GOLGA8F: variants seen among roughly 807,000 people sequenced by gnomAD.
GOLGA8F encodes golgin A8 family member F.
For synonymous variants in GOLGA8F, 1 was observed against 35.4 expected (o/e 0.03, Z 3.45); for missense variants, 2 against 93.4 (o/e 0.02, Z 4.03).
Position 28,384,322 on chromosome 15 carries a change from T to G in GOLGA8F, c.682-21T>G, listed in dbSNP as rs1213652578. The G allele has an allele frequency of 8.4e-5, 19 of 225,980 alleles. 5 individuals carry two copies. Among genetic ancestry groups the G allele is most frequent in the East Asian group, 5.2e-4 (19 of 36,632 alleles). 14.0% of individuals were successfully genotyped at this position (225,980 alleles called of 1,614,324 possible). A position where few individuals can be genotyped will look rare whatever the true frequency, so the allele number is the denominator to read the frequency against. On this transcript the variant is annotated intron_variant, in intron 9 of 18. Transcript: ENST00000526619. ...GAGGACCAGTGACAGCCCTTCCTAATTTCTGTGCCCATTCTTGCAGTTGAA... is the reference window on the plus strand; with the variant it reads ...GAGGACCAGTGACAGCCCTTCCTAAGTTCTGTGCCCATTCTTGCAGTTGAA...
At chr15:28,379,689 T>TTCTG (rs757117494) in intron 1 of GOLGA8F, 1 of 20,780 alleles carries the variant, frequency 4.8e-5, no homozygotes, top group South Asian at 0.011. Flanking sequence ...GGCTTCTACT[T>TTCTG]TCCAGAGAGA....
Position 28,384,176 on chromosome 15 carries a change from G to A in GOLGA8F, c.621G>A (p.Met207Ile), listed in dbSNP as rs1325410030. ...TCTCCAGCCGCAGTAAAGCACGTAT[G>A]GAGTGGAAGTTAGAGCAGTCCATGC... is the stretch of plus-strand genomic sequence containing the variant. The part of the protein sequence containing the change: ...RQFSSRSKAR[M>I]EWKLEQSMRE... Residue 207 changes from methionine to isoleucine, a missense_variant, in exon 9 of 19, where the codon ATG becomes ATA. Transcript: ENST00000526619. 1 of 223,928 alleles carries A rather than the reference G, an allele frequency of 4.5e-6. No individual in the cohort carries two copies. Among genetic ancestry groups the A allele is most frequent in the East Asian group, 2.7e-5 (1 of 36,620 alleles). The allele number at this position is 223,928 out of a possible 1,614,324, so 13.9% of individuals were successfully genotyped here.
rs568922965 is a variant in GOLGA8F at position 28,384,244 on chromosome 15, G to T, written c.681+8G>T. On this transcript the variant is annotated splice_region_variant and intron_variant, in intron 9 of 18. Coordinates refer to ENST00000526619, the MANE Select transcript of GOLGA8F (RefSeq NM_001350920.2). ...AAAGCGCAGCTGACACAGGTGAGGTGTTCAGAAGGAGGGATGTGGAAGAAA... is the reference window on the plus strand; with the variant it reads ...AAAGCGCAGCTGACACAGGTGAGGTTTTCAGAAGGAGGGATGTGGAAGAAA... 8.4e-6 allele frequency: 2 copies of T among 237,078 alleles called. No individual in the cohort carries two copies. Among genetic ancestry groups the T allele is most frequent in the African/African-American group, 4.8e-5 (2 of 41,700 alleles). The allele number at this position is 237,078 out of a possible 1,614,324, so 14.7% of individuals were successfully genotyped here.
rs1177023287 is a variant in GOLGA8F, at chr15:28,385,267, A to AAAGGAGAGGCTTCGGGAGCAG, written c.1021_1041dup (p.Lys341_Gln347dup). The AAAGGAGAGGCTTCGGGAGCAG allele has an allele frequency of 8.2e-6, 6 of 731,308 alleles. No homozygotes were observed. In the Admixed American group the frequency reaches 1.1e-4, roughly 14 times the overall value. 45.3% of individuals were successfully genotyped at this position (731,308 alleles called of 1,614,324 possible). On this transcript the variant is annotated inframe_insertion, in exon 12 of 19. Transcript: ENST00000526619. ...GCATAAGTCTCCTGAATGAGGGGCA[A>AAAGGAGAGGCTTCGGGAGCAG]AAGGAGAGGCTTCGGGAGCAGGAGG... is the stretch of plus-strand genomic sequence containing the variant.
intron 15 of GOLGA8F, 61 bp downstream of exon 15, chr15:28,387,754 CT>C: frequency 1.3e-6 from 1 of 763,370 alleles, no homozygotes; most frequent in Non-Finnish European, 2.4e-6. Context: ...TCCAAGACCC[CT>C]TTATGCTCTT....
chr15:28,387,731 C>G, intron 15 of GOLGA8F, 38 bp downstream of exon 15: 2 of 941,618 alleles, frequency 2.1e-6, no homozygotes, highest in Non-Finnish European at 3.5e-6. Context: ...TTGCCTCCTT[C>G]CTCTGTGGTC....
chr15:28,381,371 CA>C (rs2077561984), intron 3 of GOLGA8F, 83 bp from the exon 4 acceptor site: 74 of 974 alleles, frequency 0.076, no homozygotes, highest in Admixed American at 0.1. Flanking sequence ...TGAGACAGTC[CA>C]CACACACCCC....
rs1281597868 is a variant in GOLGA8F, at chr15:28,390,047, TTAATG to T, written c.*987_*991del. The T allele has an allele frequency of 5.1e-3, 158 of 30,960 alleles. No homozygotes were observed. The highest frequency in any genetic ancestry group is 0.017 in the African/African-American group (153 of 8,958). 1.9% of individuals were successfully genotyped at this position (30,960 alleles called of 1,614,324 possible). A position where few individuals can be genotyped will look rare whatever the true frequency, so the allele number is the denominator to read the frequency against. ...AAAAGGGCACTGGTTGGCATTCTTC[TTAATG>T]TATTTAGTAAAGATCATAAGAAATC... On this transcript the variant is annotated 3_prime_UTR_variant, in exon 19 of 19. Coordinates refer to ENST00000526619, the MANE Select transcript of GOLGA8F (RefSeq NM_001350920.2).
In GOLGA8F at chr15:28,391,752, G is replaced by T. The variant is rs1259163634; in HGVS notation, c.*2689G>T. 4.2e-5 allele frequency: 1 copy of T among 24,072 alleles called. No individual in the cohort carries two copies. Among genetic ancestry groups the T allele is most frequent in the Non-Finnish European group, 8.1e-5 (1 of 12,356 alleles). The allele number at this position is 24,072 out of a possible 1,614,324, so 1.5% of individuals were successfully genotyped here. On this transcript the variant is annotated 3_prime_UTR_variant, in exon 19 of 19. Coordinates refer to ENST00000526619, the MANE Select transcript of GOLGA8F (RefSeq NM_001350920.2). ...AAAATAACTATTAAACAATGTAACT[G>T]CTATCTTAATGTTCTGAAATAAGTT...
chr15:28,384,254 A>G lies in GOLGA8F; in HGVS notation c.681+18A>G, dbSNP rs2077571846. ...TGACACAGGTGAGGTGTTCAGAAGGAGGGATGTGGAAGAAAGATGACCCCA... is the reference window on the plus strand; with the variant it reads ...TGACACAGGTGAGGTGTTCAGAAGGGGGGATGTGGAAGAAAGATGACCCCA... On this transcript the variant is annotated intron_variant, in intron 9 of 18. Coordinates refer to ENST00000526619, the MANE Select transcript of GOLGA8F (RefSeq NM_001350920.2). The G allele has an allele frequency of 1.3e-5, 3 of 238,330 alleles. 1 individual carries two copies. Among genetic ancestry groups the G allele is most frequent in the East Asian group, 8.0e-5 (3 of 37,416 alleles). The allele number at this position is 238,330 out of a possible 1,614,324, so 14.8% of individuals were successfully genotyped here.
chr15:28,387,437 CAAGATCTTGGTTCTTCA>C, intron 14 of GOLGA8F, 148 bp from the exon 15 acceptor site: 1 of 540,982 alleles, frequency 1.8e-6, no homozygotes, highest in East Asian at 2.8e-5. Context: ...GGCAGTATAG[CAAGATCTTGGTTCTTCA>C]AAGTAAAAAT....
At chr15:28,380,148 G>A (rs1173588973) in intron 1 of GOLGA8F, among the ~76,000 whole-genome samples, 27 of 144,574 alleles carry the variant, frequency 1.9e-4, no homozygotes, top group Non-Finnish European at 6.1e-5. Context: ...ACTAACAGAC[G>A]TGTGAGGATG....
chr15:28,384,282 T>C (rs2077572369), intron 9 of GOLGA8F, 46 bp downstream of exon 9: 1 of 236,312 alleles, frequency 4.2e-6, no homozygotes, highest in East Asian at 2.7e-5. Context: ...TGACCCCAGG[T>C]AACCAGGAGC....
Position 28,384,256 on chromosome 15 carries a change from G to A in GOLGA8F, c.681+20G>A, listed in dbSNP as rs1180551510. The A allele has an allele frequency of 1.7e-5, 4 of 238,836 alleles. 1 individual carries two copies. The highest frequency in any genetic ancestry group is 4.7e-5 in the African/African-American group (2 of 42,226). The allele number at this position is 238,836 out of a possible 1,614,324, so 14.8% of individuals were successfully genotyped here. A position where few individuals can be genotyped will look rare whatever the true frequency, so the allele number is the denominator to read the frequency against. ...ACACAGGTGAGGTGTTCAGAAGGAG[G>A]GATGTGGAAGAAAGATGACCCCAGG... is the stretch of plus-strand genomic sequence containing the variant. On this transcript the variant is annotated intron_variant, in intron 9 of 18. Coordinates refer to ENST00000526619, the MANE Select transcript of GOLGA8F (RefSeq NM_001350920.2).
rs1381620306 is a variant in GOLGA8F at position 28,390,246 on chromosome 15, TG to T, written c.*1185del. 6.3e-5 allele frequency: 2 copies of T among 31,782 alleles called. No homozygotes were observed. Among genetic ancestry groups the T allele is most frequent in the African/African-American group, 2.4e-4 (2 of 8,206 alleles). 2.0% of individuals were successfully genotyped at this position (31,782 alleles called of 1,614,324 possible). Reference sequence around the variant, plus strand: ...CACTCTGCCTATTCTTCAACCACCTTGGTTACTTTGACATAGGAATTGACTT... The same window carrying T: ...CACTCTGCCTATTCTTCAACCACCTTGTTACTTTGACATAGGAATTGACTT... On this transcript the variant is annotated 3_prime_UTR_variant, in exon 19 of 19. Coordinates refer to ENST00000526619, the MANE Select transcript of GOLGA8F (RefSeq NM_001350920.2).
At position 28,384,238 on chromosome 15, in the gene GOLGA8F, T is replaced by C. The variant is rs767742796; in HGVS notation, c.681+2T>C. On this transcript the variant is annotated splice_donor_variant, in intron 9 of 18. Transcript: ENST00000526619. LOFTEE classifies it high-confidence loss of function. ...CTGCTGAAAGCGCAGCTGACACAGG[T>C]GAGGTGTTCAGAAGGAGGGATGTGG... The C allele has an allele frequency of 4.3e-6, 1 of 234,772 alleles. No homozygotes were observed. Among genetic ancestry groups the C allele is most frequent in the East Asian group, 2.7e-5 (1 of 37,188 alleles). The allele number at this position is 234,772 out of a possible 1,614,324, so 14.5% of individuals were successfully genotyped here.
chr15:28,380,174 T>C (rs1408593531), intron 1 of GOLGA8F, among the ~76,000 whole-genome samples: 32 of 146,506 alleles, frequency 2.2e-4, no homozygotes, highest in African/African-American at 7.2e-4. Flanking sequence ...CTAAACCACA[T>C]GGCATACAGT....
chr15:28,380,147 C>T (rs1468962798), intron 1 of GOLGA8F, among the ~76,000 whole-genome samples: 28 of 144,476 alleles, frequency 1.9e-4, no homozygotes, highest in African/African-American at 6.5e-4. Flanking sequence ...CACTAACAGA[C>T]GTGTGAGGAT....
chr15:28,388,148 T>TG, intron 15 of GOLGA8F, 120 bp from the exon 16 acceptor site: 1 of 84,540 alleles, frequency 1.2e-5, no homozygotes, highest in Non-Finnish European at 1.9e-5. Context: ...CACCGGGCCC[T>TG]GCAGGAAGTC....
Sources: gnomAD v4.1 joint callset for allele counts (sites outside exome capture counted in the v4.1 genomes callset) on GRCh38, gnomAD v4.1.1 for gene constraint, MANE v1.5 for transcripts, NCBI Gene and HGNC (gene_info 2026-07-23, HGNC 2026-07-21) for gene names.